The following ADGRG6 variants were observed in gnomAD, a reference collection of about 807,000 sequenced individuals.
ADGRG6 encodes the protein G-protein coupled receptor 126.
Under a neutral mutation model 142.4 loss-of-function variants are expected in ADGRG6, and 84 were observed. The observed-to-expected ratio is 0.59, with a 90% CI of 0.49 to 0.71. The LOEUF is 0.71. Among genes scored for constraint, ADGRG6 ranks in the 30% least tolerant of loss-of-function variants. ADGRG6 has a pLI of 0.00. For synonymous variants in ADGRG6, 521 were observed against 520.5 expected (o/e 1.00, Z -0.01); for missense variants, 1,367 against 1,466.6 (o/e 0.93, Z 1.11).
chr6:142,337,603 C>T (rs1022177873), intron 2 of ADGRG6, among the ~76,000 whole-genome samples: 2 of 152,170 alleles, frequency 1.3e-5, no homozygotes, highest in East Asian at 3.9e-4. Context: ...CAACCTGATT[C>T]TCCCCTCTTT....
chr6:142,397,533 T>C, intron 9 of ADGRG6, 80 bp from the exon 10 acceptor site: 1 of 1,343,188 alleles, frequency 7.4e-7, no homozygotes. Context: ...TCCCTCTACA[T>C]CCAAATACTC....
In ADGRG6 at chr6:142,370,436, C is replaced by A; in HGVS notation, c.712C>A (p.Pro238Thr). 2 of 1,613,474 alleles carry A rather than the reference C, an allele frequency of 1.2e-6. No individual in the cohort carries two copies. Among genetic ancestry groups the A allele is most frequent in the Non-Finnish European group, 1.7e-6 (2 of 1,179,468 alleles). ...AAAATGTTTGTTGAATAATGCATTA[C>A]CTGTCAAAGAAAAAGAAGACATTTT... ...DSKCLLNNAL[P>T]VKEKEDIFAE... The change falls in exon 4 of 25, where the codon CCT (proline) becomes ACT (threonine). Residue 238 changes from proline to threonine, a missense_variant. Physicochemically the swap from Pro to Thr is conservative, Grantham distance 38. Transcript: ENST00000367609.
intron 24 of ADGRG6, chr6:142,440,987 T>G: frequency 8.1e-7 from 1 of 1,241,620 alleles, no homozygotes; most frequent in East Asian, 2.7e-5. Flanking sequence ...ATGCATGAAT[T>G]TTTTGCAAGG....
At chr6:142,338,013 C>CTTTTTTTTTTTTTTTTTTTTTTTTTTT (rs1779405902) in intron 2 of ADGRG6, among the ~76,000 whole-genome samples, 3 of 26,078 alleles carry the variant, frequency 1.2e-4, no homozygotes, top group Non-Finnish European at 2.1e-4. Flanking sequence ...TGCCTTGTAT[C>CTTTTTTTTTTTTTTTTTTTTTTTTTTT]TTTGTTTTTT....
chr6:142,317,830 TATATATATTTATATATA>T (rs1254653863), intron 2 of ADGRG6, among the ~76,000 whole-genome samples: 9 of 82,570 alleles, frequency 1.1e-4, no homozygotes, highest in South Asian at 5.7e-4. Flanking sequence ...TAATTTATAT[TATATATATTTATATATA>T]ATATATATTT....
intron 2 of ADGRG6, among the ~76,000 whole-genome samples, chr6:142,347,749 G>A (rs1319199334): frequency 2.0e-5 from 3 of 152,086 alleles, no homozygotes; most frequent in Non-Finnish European, 4.4e-5. Context: ...AGATGACTAC[G>A]TCTTTTTGTC....
At chr6:142,412,719 A>G (rs1336907664) in intron 18 of ADGRG6, among the ~76,000 whole-genome samples, 4 of 152,138 alleles carry the variant, frequency 2.6e-5, no homozygotes, top group Non-Finnish European at 4.4e-5. Flanking sequence ...GTTTCCTTCC[A>G]TGTTCTCTTT....
intron 2 of ADGRG6, among the ~76,000 whole-genome samples, chr6:142,310,877 A>G (rs1777735831): frequency 2.0e-5 from 3 of 152,024 alleles, no homozygotes; most frequent in African/African-American, 7.2e-5. Context: ...ACTACTTTCA[A>G]AAGTGATTCT....
intron 24 of ADGRG6, among the ~76,000 whole-genome samples, 184 bp downstream of exon 24, chr6:142,438,548 G>A (rs564348433): frequency 6.6e-6 from 1 of 152,216 alleles, no homozygotes; most frequent in African/African-American, 2.4e-5. Context: ...TAAAAATTTT[G>A]TAACCCAAAC....
chr6:142,367,569 T>G lies in ADGRG6; in HGVS notation c.104T>G (p.Val35Gly). 2 of 1,612,368 alleles carry G rather than the reference T, an allele frequency of 1.2e-6. No homozygotes were observed. The highest frequency in any genetic ancestry group is 2.2e-5 in the East Asian group (1 of 44,834). The change falls in exon 3 of 25, where the codon GTG becomes GGG. Residue 35 changes from valine (V) to glycine (G), a missense_variant and splice_region_variant. Physicochemically the swap from Val to Gly is moderately radical, Grantham distance 109 (BLOSUM62 -3). Around this residue, in one of 3 missense-constraint regions of ADGRG6, gnomAD observed 737 missense variants for 746.5 expected, o/e 0.99. Transcript: ENST00000367609. ...TGTCTCTCTTTTGTCTGGCCAGCAG[T>G]GTGGGGATGTGCCAACTGCCGAGTG... ...ALYIMCVPHS[V>G]WGCANCRVVL...
At chr6:142,361,269 A>G (rs928077588) in intron 2 of ADGRG6, among the ~76,000 whole-genome samples, 18 of 152,166 alleles carry the variant, frequency 1.2e-4, no homozygotes, top group South Asian at 4.1e-4. Context: ...ACTGTTATTT[A>G]AAGCAGTACT....
chr6:142,367,675 G>A lies in ADGRG6; in HGVS notation c.210G>A (p.Thr70=), dbSNP rs553605945. ...DYPNSQACMW[T]LRAPTGYIIQ... ...CAAACAGCCAGGCTTGCATGTGGAC[G>A]CTCCGAGCCCCCACCGGTTATATCA... The change falls in exon 3 of 25, where the codon ACG becomes ACA. Residue 70 remains threonine, a synonymous_variant. Coordinates refer to ENST00000367609, the MANE Select transcript of ADGRG6 (RefSeq NM_198569.3). 5.0e-6 allele frequency: 8 copies of A among 1,613,576 alleles called. No individual in the cohort carries two copies. Among genetic ancestry groups the A allele is most frequent in the East Asian group, 2.2e-5 (1 of 44,862 alleles).
intron 24 of ADGRG6, among the ~76,000 whole-genome samples, chr6:142,438,886 G>GAAAC (rs1777613260): frequency 6.6e-6 from 1 of 152,118 alleles, no homozygotes; most frequent in African/African-American, 2.4e-5. Flanking sequence ...AGGGCTATAA[G>GAAAC]AAACACTGTC....
chr6:142,412,982 T>C (rs1305023163), intron 18 of ADGRG6, among the ~76,000 whole-genome samples: 1 of 152,106 alleles, frequency 6.6e-6, no homozygotes, highest in East Asian at 1.9e-4. Context: ...ATTATGAGTT[T>C]GTAATTACGC....
rs1289632017 is a variant in ADGRG6 at position 142,302,045 on chromosome 6, C to G, written c.-285C>G. On this transcript the variant is annotated 5_prime_UTR_variant, in exon 1 of 25. Transcript: ENST00000367609. ...CACCAGCCCCACGCACACCCTACTT[C>G]CTCAGCTTCTCGCCCTCACCCTGCC... The G allele has an allele frequency of 3.8e-6, 2 of 521,022 alleles. No individual in the cohort carries two copies. The highest frequency in any genetic ancestry group is 3.9e-5 in the African/African-American group (2 of 51,038). The allele number at this position is 521,022 out of a possible 1,614,324, so 32.3% of individuals were successfully genotyped here. A position where few individuals can be genotyped will look rare whatever the true frequency, so the allele number is the denominator to read the frequency against.
chr6:142,382,844 A>C (rs1260066598), intron 5 of ADGRG6, among the ~76,000 whole-genome samples: 1 of 152,176 alleles, frequency 6.6e-6, no homozygotes, highest in Non-Finnish European at 1.5e-5. Flanking sequence ...AGATTGAAGA[A>C]ATAAAAACCT....
At chr6:142,435,398 G>A (rs1409900667) in intron 22 of ADGRG6, among the ~76,000 whole-genome samples, 2 of 152,050 alleles carry the variant, frequency 1.3e-5, no homozygotes, top group African/African-American at 4.8e-5. Context: ...GTTTTACTGG[G>A]ACACAACCTC....
intron 4 of ADGRG6, among the ~76,000 whole-genome samples, chr6:142,376,893 A>C (rs1435587929): frequency 6.6e-6 from 1 of 152,186 alleles, no homozygotes; most frequent in East Asian, 1.9e-4. Flanking sequence ...CTCTTCAGTT[A>C]TTTGGAGTAT....
chr6:142,329,312 C>T, intron 2 of ADGRG6, among the ~76,000 whole-genome samples: 1 of 152,076 alleles, frequency 6.6e-6, no homozygotes. Context: ...CTTCATGGCT[C>T]ATTAGCCATA....
Sources: allele counts gnomAD v4.1 joint callset (sites outside exome capture counted in the v4.1 genomes callset), GRCh38; gene constraint gnomAD v4.1.1; regional missense constraint gnomAD v4.1.1; transcripts MANE v1.5; gene names NCBI Gene and HGNC (gene_info 2026-07-23, HGNC 2026-07-21).